The following TWSG1 variants were observed in gnomAD, a reference collection of about 807,000 sequenced individuals.
The protein encoded by TWSG1 is twisted gastrulation BMP signaling modulator 1.
A neutral mutation model predicts 23.0 loss-of-function variants in TWSG1; 15 were observed. The ratio of observed to expected loss-of-function variants is 0.65; its 90% CI spans 0.44 to 1.00. The LOEUF (loss-of-function observed/expected upper bound fraction) is 1.00, where lower values mean the gene tolerates loss of function less well. TWSG1 is among the 50% of genes least tolerant of loss of function. The pLI, the probability that TWSG1 is intolerant of heterozygous loss-of-function variation, is 0.00. For missense variants in TWSG1, 242 were observed against 278.7 expected, an observed-to-expected ratio of 0.87 and a Z score of 0.94; for synonymous variants, 86 against 92.8, an observed-to-expected ratio of 0.93 and a Z score of 0.42.
rs1248464244 is a variant in TWSG1 at position 9,402,175 on chromosome 18, C to T, written c.*2648C>T. ...TTGATAAGATGTTAGAAATTTGGAC[C>T]ATTATTTATAATCAGGGTAGCATTA... On this transcript the variant is annotated 3_prime_UTR_variant, in exon 5 of 5. Transcript: ENST00000262120. The T allele has an allele frequency of 4.6e-5, 7 of 151,792 alleles. No homozygotes were observed. In the South Asian group the frequency reaches 1.2e-3, roughly 27 times the overall value. 9.4% of individuals were successfully genotyped at this position (151,792 alleles called of 1,614,324 possible).
chr18:9,335,706 A>G (rs1442965959), intron 1 of TWSG1, among the ~76,000 whole-genome samples: 2 of 152,336 alleles, frequency 1.3e-5, no homozygotes, highest in East Asian at 3.9e-4. Flanking sequence ...TCTTTAGGGA[A>G]TGCTTTGTGA....
intron 3 of TWSG1, among the ~76,000 whole-genome samples, chr18:9,379,413 C>T (rs937217383): frequency 2.6e-5 from 4 of 151,994 alleles, no homozygotes; most frequent in Non-Finnish European, 5.9e-5. Context: ...AGCAAACTAT[C>T]GCAGAAACAG....
intron 2 of TWSG1, among the ~76,000 whole-genome samples, chr18:9,341,333 A>G (rs570927793): frequency 1.3e-5 from 2 of 152,354 alleles, no homozygotes; most frequent in South Asian, 2.1e-4. Flanking sequence ...ACCAACTAGT[A>G]TGTGTCAAAT....
At chr18:9,389,765 T>C (rs369256160) in intron 3 of TWSG1, among the ~76,000 whole-genome samples, 2 of 152,204 alleles carry the variant, frequency 1.3e-5, no homozygotes, top group East Asian at 1.9e-4. Context: ...TGAAACTCCA[T>C]CTTACACCTA....
chr18:9,365,495 C>A (rs957152714), intron 3 of TWSG1, among the ~76,000 whole-genome samples: 1 of 151,778 alleles, frequency 6.6e-6, no homozygotes, highest in Non-Finnish European at 1.5e-5. Flanking sequence ...GGCAAAACCC[C>A]GTCTCTACAA....
At chr18:9,356,415 C>T (rs1443449555) in intron 2 of TWSG1, among the ~76,000 whole-genome samples, 1 of 152,182 alleles carries the variant, frequency 6.6e-6, no homozygotes, top group Non-Finnish European at 1.5e-5. Context: ...AAACACTTCA[C>T]AAATACCTGA....
chr18:9,357,690 T>C (rs1441993151), intron 2 of TWSG1, among the ~76,000 whole-genome samples: 6 of 152,236 alleles, frequency 3.9e-5, no homozygotes, highest in Non-Finnish European at 5.9e-5. Context: ...GATTTGAAAG[T>C]AGCACAGTTG....
At chr18:9,356,736 A>G (rs1199779325) in intron 2 of TWSG1, among the ~76,000 whole-genome samples, 2 of 152,186 alleles carry the variant, frequency 1.3e-5, no homozygotes, top group African/African-American at 2.4e-5. Context: ...GGAAATGCTC[A>G]TTGAAAGAGT....
rs922343149 is a variant in TWSG1, at chr18:9,337,477, G to T, written c.123+125G>T. ...ACCTGAGTATTGGGTCAGGGCCTGA[G>T]GTACTGAATCATGACACACAGGTCT... On this transcript the variant is annotated intron_variant, in intron 2 of 4. Transcript: ENST00000262120. 7.0e-6 allele frequency: 7 copies of T among 1,002,134 alleles called. No homozygotes were observed. In the African/African-American group the frequency reaches 1.1e-4, roughly 16 times the overall value. The allele number at this position is 1,002,134 out of a possible 1,614,324, so 62.1% of individuals were successfully genotyped here. A position where few individuals can be genotyped will look rare whatever the true frequency, so the allele number is the denominator to read the frequency against.
intron 4 of TWSG1, among the ~76,000 whole-genome samples, chr18:9,397,952 C>T (rs1212884209): frequency 3.6e-5 from 5 of 139,746 alleles, no homozygotes; most frequent in South Asian, 2.2e-4. Context: ...TGCGGTGAGC[C>T]GAGATCGCGC....
chr18:9,401,416 GT>G lies in TWSG1; in HGVS notation c.*1893del, dbSNP rs1435857324. 1 of 151,424 alleles carries G rather than the reference GT, an allele frequency of 6.6e-6. No individual in the cohort carries two copies. Among genetic ancestry groups the G allele is most frequent in the Non-Finnish European group, 1.5e-5 (1 of 67,862 alleles). 9.4% of individuals were successfully genotyped at this position (151,424 alleles called of 1,614,324 possible). ...TGTGTGTGTTGGCAACATGCCTAAT[GT>G]TTTCTTAATGATGACAACAAATATT... On this transcript the variant is annotated 3_prime_UTR_variant, in exon 5 of 5. Transcript: ENST00000262120.
intron 3 of TWSG1, among the ~76,000 whole-genome samples, chr18:9,361,544 T>C (rs1476471883): frequency 6.6e-6 from 1 of 152,186 alleles, no homozygotes; most frequent in African/African-American, 2.4e-5. Flanking sequence ...GCCCTCTATT[T>C]CATGTCTATA....
chr18:9,340,515 A>AG (rs1276216559), intron 2 of TWSG1, among the ~76,000 whole-genome samples: 2 of 152,122 alleles, frequency 1.3e-5, no homozygotes, highest in Non-Finnish European at 2.9e-5. Flanking sequence ...CCCAAACTCT[A>AG]GCAGATTATT....
At chr18:9,382,697 C>T (rs1336153503) in intron 3 of TWSG1, among the ~76,000 whole-genome samples, 1 of 151,220 alleles carries the variant, frequency 6.6e-6, no homozygotes, top group Non-Finnish European at 1.5e-5. Context: ...ATCCCAGTTA[C>T]TCAGGAGTCT....
At chr18:9,384,806 T>C (rs986227535) in intron 3 of TWSG1, among the ~76,000 whole-genome samples, 8 of 152,156 alleles carry the variant, frequency 5.3e-5, no homozygotes, top group Non-Finnish European at 1.0e-4. Flanking sequence ...CCACCATGCC[T>C]GGCTAATTTT....
intron 3 of TWSG1, among the ~76,000 whole-genome samples, chr18:9,387,226 T>C (rs2040688700): frequency 2.0e-5 from 3 of 152,178 alleles, no homozygotes; most frequent in Admixed American, 2.0e-4. Flanking sequence ...TGAAACATTT[T>C]TGTGTGCTAC....
chr18:9,395,092 AGCAGTCCT>A (rs1157163497), intron 3 of TWSG1, among the ~76,000 whole-genome samples: 1 of 152,220 alleles, frequency 6.6e-6, no homozygotes, highest in African/African-American at 2.4e-5. Context: ...TTCAATCTGA[AGCAGTCCT>A]TTAGTCTTTC....
At chr18:9,380,232 A>C (rs1354102603) in intron 3 of TWSG1, among the ~76,000 whole-genome samples, 1 of 152,288 alleles carries the variant, frequency 6.6e-6, no homozygotes, top group East Asian at 1.9e-4. Context: ...CAGTCCTAAC[A>C]ACAAACCTAA....
rs528946616 is a variant in TWSG1, at chr18:9,352,241, T to C, written c.124-7731T>C. 1.3e-3 allele frequency among the ~76,000 whole-genome samples: 201 copies of C among 152,300 alleles called. 5 individuals are homozygous for C. The highest frequency in any genetic ancestry group is 0.013 in the Admixed American group (200 of 15,288). On this transcript the variant is annotated intron_variant, in intron 2 of 4. Transcript: ENST00000262120. The stretch of plus-strand genomic sequence containing the variant: ...AGTATAATGCTTTGAGATTCATCCA[T>C]ATTATTGTGTGTGTTGGGTAGTTCT...
Sources: gnomAD v4.1 joint callset for allele counts (sites outside exome capture counted in the v4.1 genomes callset) on GRCh38, gnomAD v4.1.1 for gene constraint, MANE v1.5 for transcripts, NCBI Gene and HGNC (gene_info 2026-07-23, HGNC 2026-07-21) for gene names.